The following AKAP6 variants were observed in gnomAD, a reference collection of about 807,000 sequenced individuals.
The protein encoded by AKAP6 is A-kinase anchor protein 6.
AKAP6 carries 58 observed loss-of-function variants against 188.5 expected under a neutral mutation model. The observed-to-expected ratio is 0.31, with a 90% CI of 0.25 to 0.38. AKAP6 has a LOEUF of 0.38. Among genes scored for constraint, AKAP6 ranks in the 10% least tolerant of loss-of-function variants. The pLI is 1.00. For synonymous variants in AKAP6, 989 were observed against 998.6 expected (o/e 0.99, Z 0.18); for missense variants, 2,710 against 2,740.0 (o/e 0.99, Z 0.24).
At chr14:32,452,633 G>T (rs185471622) in intron 2 of AKAP6, among the ~76,000 whole-genome samples, 1 of 151,932 alleles carries the variant, frequency 6.6e-6, no homozygotes, top group Admixed American at 6.6e-5. Flanking sequence ...AAAATAGGGA[G>T]ACCCTGTTTC....
chr14:32,459,666 T>G (rs1269331936), intron 2 of AKAP6, among the ~76,000 whole-genome samples: 13 of 147,664 alleles, frequency 8.8e-5, no homozygotes, highest in African/African-American at 3.2e-4. Flanking sequence ...AAAAATTCAG[T>G]GGTCATCCAG....
intron 1 of AKAP6, among the ~76,000 whole-genome samples, chr14:32,335,665 T>C (rs1886667097): frequency 6.6e-6 from 1 of 152,102 alleles, no homozygotes; most frequent in South Asian, 2.1e-4. Context: ...AGAAATCAAA[T>C]CTTCTTTGCA....
At chr14:32,410,933 A>G (rs1343402661) in intron 1 of AKAP6, among the ~76,000 whole-genome samples, 1 of 152,222 alleles carries the variant, frequency 6.6e-6, no homozygotes, top group Admixed American at 6.5e-5. Context: ...ATAAATTGTA[A>G]GTGCATCTGT....
intron 11 of AKAP6, among the ~76,000 whole-genome samples, chr14:32,745,483 C>G (rs28812314): frequency 0.13 from 13,554 of 105,284 alleles, 691 homozygotes; most frequent in Middle Eastern, 0.19. Context: ...CTCTCTCTCT[C>G]TCTCTCTCTC....
chr14:32,683,155 G>T (rs76352891), intron 8 of AKAP6, among the ~76,000 whole-genome samples: 34,228 of 151,582 alleles, frequency 0.23, 4,740 homozygotes, highest in East Asian at 0.58. Flanking sequence ...CACCATGCCT[G>T]GCTAATTTTT....
intron 12 of AKAP6, among the ~76,000 whole-genome samples, chr14:32,808,302 C>G (rs953397172): frequency 1.3e-5 from 2 of 152,204 alleles, no homozygotes; most frequent in African/African-American, 4.8e-5. Context: ...GCTGAGCACT[C>G]TAAGACAACT....
At chr14:32,542,290 G>A (rs1882990048) in intron 3 of AKAP6, among the ~76,000 whole-genome samples, 2 of 152,172 alleles carry the variant, frequency 1.3e-5, no homozygotes, top group Non-Finnish European at 2.9e-5. Flanking sequence ...AAGGCATAGA[G>A]AGACATTCTA....
At chr14:32,362,986 GA>G (rs1887713284) in intron 1 of AKAP6, among the ~76,000 whole-genome samples, 1 of 152,110 alleles carries the variant, frequency 6.6e-6, no homozygotes, top group Non-Finnish European at 1.5e-5. Flanking sequence ...GGACTTTGAT[GA>G]AAGACAGAAA....
chr14:32,701,692 G>A (rs11625040), intron 9 of AKAP6, among the ~76,000 whole-genome samples: 40,558 of 151,998 alleles, frequency 0.27, 6,009 homozygotes, highest in South Asian at 0.38. Flanking sequence ...TCAGAAAACA[G>A]ATTAATCACA....
rs1405903819 is a variant in AKAP6, at chr14:32,386,001, G to A, written c.-34-47459G>A. On this transcript the variant is annotated intron_variant, in intron 1 of 13. Transcript: ENST00000280979. The stretch of plus-strand genomic sequence containing the variant: ...TATATAATACATATATTCATCATAT[G>A]TATCTATATCTATATCTATCTATCT... Among the ~76,000 whole-genome samples, 3 of 106,038 alleles carry A rather than the reference G, an allele frequency of 2.8e-5. No homozygotes were observed. The East Asian group carries it at 1.5e-3, about 54-fold the overall frequency. The allele number at this position is 106,038 out of a possible 152,430, so 69.6% of individuals were successfully genotyped here.
At chr14:32,795,084 G>A (rs952880884) in intron 12 of AKAP6, among the ~76,000 whole-genome samples, 1 of 152,108 alleles carries the variant, frequency 6.6e-6, no homozygotes, top group African/African-American at 2.4e-5. Flanking sequence ...ACTGAACCAG[G>A]AAGAAATTGA....
chr14:32,728,960 T>A (rs1401993868), intron 9 of AKAP6, among the ~76,000 whole-genome samples: 3 of 152,192 alleles, frequency 2.0e-5, no homozygotes, highest in Non-Finnish European at 4.4e-5. Context: ...TGATGATCCC[T>A]CTATTTCAAA....
chr14:32,647,136 T>C (rs1282831663), intron 7 of AKAP6, among the ~76,000 whole-genome samples: 1 of 152,126 alleles, frequency 6.6e-6, no homozygotes, highest in Non-Finnish European at 1.5e-5. Flanking sequence ...CCAGGAATAG[T>C]AGGTATTATG....
chr14:32,714,176 G>A (rs980214546), intron 9 of AKAP6, among the ~76,000 whole-genome samples: 9 of 151,974 alleles, frequency 5.9e-5, no homozygotes, highest in African/African-American at 2.2e-4. Context: ...AGTCTTATAT[G>A]GGTGTGGTTT....
chr14:32,492,005 G>A (rs1356826555), intron 2 of AKAP6, among the ~76,000 whole-genome samples: 1 of 152,066 alleles, frequency 6.6e-6, no homozygotes, highest in East Asian at 1.9e-4. Flanking sequence ...GTACTAGCCT[G>A]AAGTGTGAGG....
intron 1 of AKAP6, among the ~76,000 whole-genome samples, chr14:32,425,995 CT>C (rs1156979079): frequency 4.6e-5 from 7 of 152,126 alleles, no homozygotes; most frequent in Admixed American, 4.6e-4. Flanking sequence ...ACATTTAAGT[CT>C]TTAATTCATC....
chr14:32,827,137 T>C (rs2034693985), intron 13 of AKAP6, among the ~76,000 whole-genome samples: 1 of 152,238 alleles, frequency 6.6e-6, no homozygotes, highest in African/African-American at 2.4e-5. Context: ...AATGTTGACA[T>C]GCCTTCAGTA....
chr14:32,582,448 T>A (rs1566588061), intron 5 of AKAP6, among the ~76,000 whole-genome samples: 1 of 151,378 alleles, frequency 6.6e-6, no homozygotes, highest in Non-Finnish European at 1.5e-5. Context: ...CATTTCAACT[T>A]TGGTGAATCT....
At chr14:32,493,535 A>G (rs1305372534) in intron 2 of AKAP6, among the ~76,000 whole-genome samples, 1 of 152,126 alleles carries the variant, frequency 6.6e-6, no homozygotes, top group Non-Finnish European at 1.5e-5. Context: ...AAGATTTGAT[A>G]TGCGATTGGA....
Sources: allele counts gnomAD v4.1 joint callset (sites outside exome capture counted in the v4.1 genomes callset), GRCh38; gene constraint gnomAD v4.1.1; transcripts MANE v1.5; gene names NCBI Gene and HGNC (gene_info 2026-07-23, HGNC 2026-07-21).